The following NIBAN1 variants were observed in gnomAD, a reference collection of about 807,000 sequenced individuals.
NIBAN1 encodes protein Niban 1.
Under a neutral mutation model 75.1 loss-of-function variants are expected in NIBAN1, and 81 were observed. That is an observed-to-expected ratio of 1.08 (90% CI 0.90 to 1.30). NIBAN1 has a LOEUF of 1.30. Among genes scored for constraint, NIBAN1 ranks in the 50% most tolerant of loss-of-function variants. The pLI is 0.00. For missense variants in NIBAN1, 1,133 were observed against 1,128.1 expected (o/e 1.00, Z -0.06); for synonymous variants, 436 against 424.8 (o/e 1.03, Z -0.32).
intron 3 of NIBAN1, among the ~76,000 whole-genome samples, chr1:184,890,429 C>A (rs1656637561): frequency 6.6e-6 from 1 of 152,200 alleles, no homozygotes; most frequent in Admixed American, 6.5e-5. Flanking sequence ...ATGTGACAGT[C>A]ACAACATGGT....
intron 5 of NIBAN1, among the ~76,000 whole-genome samples, chr1:184,836,680 A>G (rs1349626352): frequency 6.6e-6 from 1 of 152,222 alleles, no homozygotes; most frequent in Non-Finnish European, 1.5e-5. Flanking sequence ...AAGTATTAAT[A>G]ATCAAATGAG....
rs111759441 is a variant in NIBAN1, at chr1:184,843,451, CAA to C, written c.602-11491_602-11490del. On this transcript the variant is annotated intron_variant, in intron 5 of 13. Coordinates refer to ENST00000367511, the MANE Select transcript of NIBAN1 (RefSeq NM_052966.4). ...GTGTCATCAGACACTTTCCCCCCCG[CAA>C]AAAAAAAGAGAGAATATTTGCTTCT... Among the ~76,000 whole-genome samples the C allele has an allele frequency of 7.4e-5, 11 of 149,582 alleles. No individual in the cohort carries two copies. In the South Asian group the frequency reaches 1.7e-3, roughly 23 times the overall value.
At chr1:184,953,179 T>C (rs1658401778) in intron 1 of NIBAN1, among the ~76,000 whole-genome samples, 1 of 152,170 alleles carries the variant, frequency 6.6e-6, no homozygotes, top group Non-Finnish European at 1.5e-5. Context: ...ACAACAGCCT[T>C]CGGAGGTACT....
chr1:184,827,095 C>T (rs925654722), intron 6 of NIBAN1, among the ~76,000 whole-genome samples: 18 of 152,050 alleles, frequency 1.2e-4, no homozygotes, highest in African/African-American at 3.9e-4. Context: ...ATGTAAGATG[C>T]GCCTTTCACC....
intron 2 of NIBAN1, 26 bp downstream of exon 2, chr1:184,899,153 A>G (rs1656879979): frequency 1.2e-6 from 2 of 1,612,782 alleles, no homozygotes; most frequent in Non-Finnish European, 1.7e-6. Context: ...GGGGAAATAC[A>G]TGTAAACCAA....
intron 9 of NIBAN1, among the ~76,000 whole-genome samples, chr1:184,809,193 ACT>A (rs1654295897): frequency 6.6e-6 from 1 of 152,130 alleles, no homozygotes; most frequent in South Asian, 2.1e-4. Context: ...AAGAGGGCCC[ACT>A]CTCATTATGC....
chr1:184,894,778 G>T (rs187564561), intron 2 of NIBAN1, among the ~76,000 whole-genome samples: 24 of 152,316 alleles, frequency 1.6e-4, no homozygotes, highest in Non-Finnish European at 2.4e-4. Flanking sequence ...CAGGTATCAA[G>T]CCAGAACACC....
chr1:184,913,155 T>TATATATATATATATA (rs1245492472), intron 1 of NIBAN1, among the ~76,000 whole-genome samples: 1 of 74,766 alleles, frequency 1.3e-5, no homozygotes. Flanking sequence ...ATATATATAT[T>TATATATATATATATA]ATATATATAT....
chr1:184,821,054 T>C (rs1291893877), intron 8 of NIBAN1, among the ~76,000 whole-genome samples: 1 of 152,208 alleles, frequency 6.6e-6, no homozygotes, highest in Non-Finnish European at 1.5e-5. Context: ...CTGTGCTCTT[T>C]GTTCTACCGC....
intron 13 of NIBAN1, among the ~76,000 whole-genome samples, chr1:184,797,711 C>A (rs894007278): frequency 1.3e-5 from 2 of 152,110 alleles, no homozygotes; most frequent in Admixed American, 6.6e-5. Context: ...AGCCCTTTTC[C>A]CTTTGTTCTG....
Position 184,800,398 on chromosome 1 carries a change from T to G in NIBAN1, c.1555-2208A>C, listed in dbSNP as rs1354853192. The stretch of plus-strand genomic sequence containing the variant: ...GATCCCATTTGTCAATTTTGGCTTT[T>G]GTTGCCATTGCTTTTGGCGTTTTAG... On this transcript the variant is annotated intron_variant, in intron 12 of 13. Coordinates refer to ENST00000367511, the MANE Select transcript of NIBAN1 (RefSeq NM_052966.4). Among the ~76,000 whole-genome samples, 18 of 152,066 alleles carry G rather than the reference T, an allele frequency of 1.2e-4. No homozygotes were observed. In the East Asian group the frequency reaches 3.5e-3, roughly 30 times the overall value.
intron 5 of NIBAN1, among the ~76,000 whole-genome samples, chr1:184,859,515 T>C (rs1336425361): frequency 6.6e-6 from 1 of 152,126 alleles, no homozygotes; most frequent in African/African-American, 2.4e-5. Context: ...TGTCACTGGG[T>C]TCAGAGAACA....
At chr1:184,875,359 C>G (rs914971036) in intron 5 of NIBAN1, among the ~76,000 whole-genome samples, 7 of 152,166 alleles carry the variant, frequency 4.6e-5, no homozygotes, top group African/African-American at 1.7e-4. Flanking sequence ...GGCTTGAGGT[C>G]TCTCATGAAG....
At chr1:184,908,160 G>A (rs937292507) in intron 1 of NIBAN1, among the ~76,000 whole-genome samples, 1 of 152,172 alleles carries the variant, frequency 6.6e-6, no homozygotes, top group Non-Finnish European at 1.5e-5. Flanking sequence ...AAGTGTGAGA[G>A]ACCCTAAGTT....
At chr1:184,800,434 C>T (rs1461417424) in intron 12 of NIBAN1, among the ~76,000 whole-genome samples, 1 of 151,842 alleles carries the variant, frequency 6.6e-6, no homozygotes, top group African/African-American at 2.4e-5. Flanking sequence ...ACATGAAGTC[C>T]TTGCCCATGC....
At position 184,794,959 on chromosome 1, in the gene NIBAN1, T is replaced by C. The variant is rs1414497232; in HGVS notation, c.*18A>G. 2.5e-6 allele frequency: 4 copies of C among 1,605,188 alleles called. No individual in the cohort carries two copies. The highest frequency in any genetic ancestry group is 1.6e-4 in the Middle Eastern group (1 of 6,082). The stretch of plus-strand genomic sequence containing the variant: ...CTTTGGCTTTTTTCAGAGAAAGACT[T>C]CAGCCAAATTGTCCCTTTCACTCCT... On this transcript the variant is annotated 3_prime_UTR_variant, in exon 14 of 14. Transcript: ENST00000367511.
intron 8 of NIBAN1, 38 bp from the exon 9 acceptor site, chr1:184,818,863 C>T: frequency 6.5e-7 from 1 of 1,544,270 alleles, no homozygotes; most frequent in Non-Finnish European, 8.8e-7. Context: ...TGACATATGG[C>T]AAAACTGGGT....
intron 13 of NIBAN1, 148 bp downstream of exon 13, chr1:184,797,931 T>TTCCTTCCCTCTC: frequency 2.2e-6 from 1 of 463,678 alleles, no homozygotes; most frequent in Admixed American, 3.7e-5. Flanking sequence ...CCTTCCTTCT[T>TTCCTTCCCTCTC]TCCTTCCCTC....
intron 6 of NIBAN1, among the ~76,000 whole-genome samples, chr1:184,824,214 C>G (rs1020995305): frequency 6.6e-6 from 1 of 152,168 alleles, no homozygotes; most frequent in South Asian, 2.1e-4. Flanking sequence ...TATCTCCATG[C>G]TCTTCGTCCC....
Sources: gnomAD v4.1 joint callset for allele counts (sites outside exome capture counted in the v4.1 genomes callset) on GRCh38, gnomAD v4.1.1 for gene constraint, MANE v1.5 for transcripts, NCBI Gene and HGNC (gene_info 2026-07-23, HGNC 2026-07-21) for gene names.